RIN2: variants seen among roughly 807,000 people sequenced by gnomAD.
RIN2 encodes RAB5 interacting protein 2.
RIN2 carries 36 observed loss-of-function variants against 78.0 expected under a neutral mutation model. That is an observed-to-expected ratio of 0.46 (90% CI 0.35 to 0.61). The LOEUF is 0.61. Among genes scored for constraint, RIN2 ranks in the 20% least tolerant of loss-of-function variants. RIN2 has a pLI of 0.00. For missense variants in RIN2, 1,087 were observed against 1,159.7 expected, an observed-to-expected ratio of 0.94 and a Z score of 0.91; for synonymous variants, 466 against 466.8, an observed-to-expected ratio of 1.00 and a Z score of 0.02.
intron 2 of RIN2, among the ~76,000 whole-genome samples, chr20:19,867,526 G>A (rs907995065): frequency 4.6e-5 from 7 of 152,054 alleles, no homozygotes; most frequent in Non-Finnish European, 8.8e-5. Flanking sequence ...CTTAGCTTTT[G>A]TTGCCTTTTA....
chr20:19,996,843 G>A lies in RIN2; in HGVS notation c.2364+1G>A. The A allele has an allele frequency of 6.3e-7, 1 of 1,580,338 alleles. No individual in the cohort carries two copies. The highest frequency in any genetic ancestry group is 8.6e-7 in the Non-Finnish European group (1 of 1,161,820). On this transcript the variant is annotated splice_donor_variant, in intron 12 of 12. Transcript: ENST00000255006. LOFTEE classifies it high-confidence loss of function. ...CATCCCCTCTGTGGACGACTTCCAG[G>A]TGTGCAGCTGGCCACCCCTTTGCTT...
chr20:19,810,386 T>A (rs2035550791), intron 2 of RIN2, among the ~76,000 whole-genome samples: 1 of 151,940 alleles, frequency 6.6e-6, no homozygotes. Context: ...CCACCCTGGG[T>A]GACAGAGTGA....
intron 3 of RIN2, among the ~76,000 whole-genome samples, chr20:19,909,998 C>A (rs2039392567): frequency 6.6e-6 from 1 of 152,180 alleles, no homozygotes; most frequent in Non-Finnish European, 1.5e-5. Context: ...TCCATCAACG[C>A]AGATTTTGAG....
intron 3 of RIN2, 72 bp downstream of exon 3, chr20:19,889,730 T>C (rs1450027581): frequency 8.2e-7 from 1 of 1,213,176 alleles, no homozygotes; most frequent in Non-Finnish European, 1.1e-6. Context: ...CGGTGCTCCA[T>C]GGAGCTGCTG....
intron 1 of RIN2, among the ~76,000 whole-genome samples, chr20:19,782,574 A>T (rs2034546321): frequency 6.6e-6 from 1 of 151,474 alleles, no homozygotes; most frequent in South Asian, 2.1e-4. Context: ...AAAAAAAAAG[A>T]TAACTATTAA....
At chr20:19,950,174 G>T (rs557842788) in intron 4 of RIN2, among the ~76,000 whole-genome samples, 1 of 152,198 alleles carries the variant, frequency 6.6e-6, no homozygotes, top group African/African-American at 2.4e-5. Context: ...GGTTGTAATT[G>T]GAATGGGTGG....
intron 1 of RIN2, among the ~76,000 whole-genome samples, chr20:19,792,777 T>G (rs1187329041): frequency 6.6e-6 from 1 of 151,786 alleles, no homozygotes; most frequent in Non-Finnish European, 1.5e-5. Context: ...GCTGTCGGGG[T>G]GATTTGAGGG....
chr20:19,938,915 A>C (rs986944261), intron 4 of RIN2, among the ~76,000 whole-genome samples: 1 of 152,164 alleles, frequency 6.6e-6, no homozygotes, highest in Non-Finnish European at 1.5e-5. Flanking sequence ...TCATAGGTTC[A>C]TTCCTTCCTG....
At chr20:19,865,485 TTTC>T (rs1438834411) in intron 2 of RIN2, among the ~76,000 whole-genome samples, 1 of 129,540 alleles carries the variant, frequency 7.7e-6, no homozygotes, top group African/African-American at 2.9e-5. Context: ...TTATACTTTC[TTTC>T]TTTTTTTTTT....
chr20:19,910,570 CTTT>C (rs11476687), intron 3 of RIN2, among the ~76,000 whole-genome samples: 1 of 128,090 alleles, frequency 7.8e-6, no homozygotes, highest in African/African-American at 3.0e-5. Flanking sequence ...AGGAAGTGAA[CTTT>C]TTTTTTTTTT....
At chr20:19,812,281 GA>G (rs1390464904) in intron 2 of RIN2, among the ~76,000 whole-genome samples, 2 of 152,098 alleles carry the variant, frequency 1.3e-5, no homozygotes, top group African/African-American at 4.8e-5. Context: ...ATTTCTTTAA[GA>G]AACTACCCAA....
At chr20:19,938,029 A>C (rs922919351) in intron 4 of RIN2, among the ~76,000 whole-genome samples, 1 of 152,174 alleles carries the variant, frequency 6.6e-6, no homozygotes, top group Non-Finnish European at 1.5e-5. Flanking sequence ...GCCATGGTCC[A>C]TCTGCCCTCC....
chr20:19,821,706 T>C (rs1197411499), intron 2 of RIN2, among the ~76,000 whole-genome samples: 1 of 152,108 alleles, frequency 6.6e-6, no homozygotes, highest in African/African-American at 2.4e-5. Flanking sequence ...TGCCTACTCA[T>C]CCTTTCAGGC....
At chr20:19,892,401 A>G (rs2038516923) in intron 3 of RIN2, among the ~76,000 whole-genome samples, 1 of 152,086 alleles carries the variant, frequency 6.6e-6, no homozygotes, top group African/African-American at 2.4e-5. Context: ...TTTTTAGTAG[A>G]GACGGGGTTT....
chr20:19,915,797 C>CA (rs1325390454), intron 3 of RIN2, among the ~76,000 whole-genome samples: 1 of 152,190 alleles, frequency 6.6e-6, no homozygotes, highest in Non-Finnish European at 1.5e-5. Context: ...GCTCAGAGGA[C>CA]ACTGACAAGC....
chr20:19,851,163 G>C (rs1037487219), intron 2 of RIN2, among the ~76,000 whole-genome samples: 1 of 152,172 alleles, frequency 6.6e-6, no homozygotes, highest in African/African-American at 2.4e-5. Flanking sequence ...CTGATCTCTA[G>C]GCATGCTGGG....
chr20:19,911,620 C>T (rs1374558589), intron 3 of RIN2, among the ~76,000 whole-genome samples: 1 of 152,226 alleles, frequency 6.6e-6, no homozygotes, highest in African/African-American at 2.4e-5. Context: ...ATTTTCAGAG[C>T]TTGTTCATTG....
At chr20:19,998,859 G>A (rs2043052897) in intron 12 of RIN2, among the ~76,000 whole-genome samples, 2 of 152,056 alleles carry the variant, frequency 1.3e-5, no homozygotes, top group Admixed American at 1.3e-4. Context: ...CAGAGGAAGT[G>A]AAAAAAGTTC....
chr20:19,897,246 C>T (rs1002414655), intron 3 of RIN2, among the ~76,000 whole-genome samples: 3 of 152,138 alleles, frequency 2.0e-5, no homozygotes, highest in Admixed American at 6.5e-5. Flanking sequence ...GCTGGGATTA[C>T]AGATGAACCG....
Sources: allele counts gnomAD v4.1 joint callset (sites outside exome capture counted in the v4.1 genomes callset), GRCh38; gene constraint gnomAD v4.1.1; transcripts MANE v1.5; gene names NCBI Gene and HGNC (gene_info 2026-07-23, HGNC 2026-07-21).